Variants in MBNL2 observed in about 807,000 individuals in gnomAD.
The protein encoded by MBNL2 is muscleblind like splicing regulator 2.
MBNL2 carries 17 observed loss-of-function variants against 41.9 expected under a neutral mutation model. The ratio of observed to expected loss-of-function variants is 0.41; its 90% CI spans 0.28 to 0.61. MBNL2 has a LOEUF of 0.61. MBNL2 is among the 20% of genes least tolerant of loss of function. The probability of loss-of-function intolerance (pLI) is 0.35; values close to 1 mark genes in which losing one functional copy is unlikely to be tolerated. For missense variants in MBNL2, 336 were observed against 505.6 expected (o/e 0.66, Z 3.22); for synonymous variants, 195 against 182.9 (o/e 1.07, Z -0.53).
chr13:97,276,155 C>T lies in MBNL2; in HGVS notation c.-81C>T. 5 of 1,117,140 alleles carry T rather than the reference C, an allele frequency of 4.5e-6. No individual in the cohort carries two copies. The highest frequency in any genetic ancestry group is 1.9e-5 in the Admixed American group (1 of 52,710). The allele number at this position is 1,117,140 out of a possible 1,614,324, so 69.2% of individuals were successfully genotyped here. A position where few individuals can be genotyped will look rare whatever the true frequency, so the allele number is the denominator to read the frequency against. ...TCAGACTTACATGTGGGAGTTTTCA[C>T]AACAGTAGTTTTGGAATCATTAGAA... On this transcript the variant is annotated 5_prime_UTR_variant, in exon 2 of 9. An upstream open reading frame in the 5' UTR gains an earlier in-frame stop. Coordinates refer to ENST00000679496, the MANE Select transcript of MBNL2 (RefSeq NM_001382683.1).
At chr13:97,190,229 T>G in the MBNL2 span, among the ~76,000 whole-genome samples, 2 of 152,228 alleles carry the variant, frequency 1.3e-5, no homozygotes, top group African/African-American at 4.8e-5. Flanking sequence ...TGAGTACATT[T>G]TCCAGCTCCC....
the MBNL2 span, among the ~76,000 whole-genome samples, chr13:97,192,760 T>C: frequency 6.6e-6 from 1 of 152,202 alleles, no homozygotes; most frequent in African/African-American, 2.4e-5. Flanking sequence ...AAAAACATAG[T>C]ATTAGCTTTC....
intron 1 of MBNL2, among the ~76,000 whole-genome samples, chr13:97,246,780 C>T (rs978075316): frequency 5.3e-5 from 8 of 152,270 alleles, no homozygotes; most frequent in South Asian, 2.1e-4. Flanking sequence ...CTCCTCCAGA[C>T]GGGCTTTTTC....
chr13:97,227,040 CA>C (rs5806006), intron 1 of MBNL2, among the ~76,000 whole-genome samples: 82,199 of 122,754 alleles, frequency 0.67, 24,844 homozygotes, highest in African/African-American at 0.71. Flanking sequence ...AGCAGAGTTA[CA>C]AAAAAAAAAA....
At chr13:97,281,422 T>C (rs2053404038) in intron 2 of MBNL2, among the ~76,000 whole-genome samples, 1 of 152,226 alleles carries the variant, frequency 6.6e-6, no homozygotes, top group African/African-American at 2.4e-5. Flanking sequence ...GTAAATAATT[T>C]GATTTCCTCT....
chr13:97,356,346 C>T (rs969767904), intron 5 of MBNL2, among the ~76,000 whole-genome samples: 3 of 152,094 alleles, frequency 2.0e-5, no homozygotes, highest in Non-Finnish European at 2.9e-5. Context: ...TATCCTTACT[C>T]GATGGACTCA....
chr13:97,165,415 C>T, the MBNL2 span, among the ~76,000 whole-genome samples: 2 of 152,038 alleles, frequency 1.3e-5, no homozygotes, highest in Admixed American at 1.3e-4. Flanking sequence ...CCAAGATGAG[C>T]TACTTTTTCT....
chr13:97,310,615 G>A (rs1195696299), intron 2 of MBNL2, among the ~76,000 whole-genome samples: 6 of 151,760 alleles, frequency 4.0e-5, no homozygotes, highest in Non-Finnish European at 7.4e-5. Context: ...ATTTTTAGTA[G>A]AGACAGGGTT....
At chr13:97,247,486 C>T (rs2045697095) in intron 1 of MBNL2, among the ~76,000 whole-genome samples, 1 of 152,226 alleles carries the variant, frequency 6.6e-6, no homozygotes, top group Admixed American at 6.5e-5. Context: ...TGAACCCCGA[C>T]ATAGGTCTTC....
chr13:97,376,279 CTG>C (rs1161217448), intron 8 of MBNL2, among the ~76,000 whole-genome samples: 1 of 152,204 alleles, frequency 6.6e-6, no homozygotes, highest in Non-Finnish European at 1.5e-5. Context: ...TCTGTGGTGT[CTG>C]TGGATTTCAC....
At chr13:97,233,881 G>T (rs2042824211) in intron 1 of MBNL2, among the ~76,000 whole-genome samples, 1 of 152,084 alleles carries the variant, frequency 6.6e-6, no homozygotes. Context: ...GCTGTGGGAA[G>T]ACACATTAGA....
chr13:97,217,195 C>G (rs1000215713), upstream of MBNL2, among the ~76,000 whole-genome samples: 2 of 151,204 alleles, frequency 1.3e-5, no homozygotes, highest in Non-Finnish European at 2.9e-5. Context: ...GCTTCTCTAC[C>G]AATTTTTTTA....
rs115852839 is a variant in MBNL2 at position 97,293,072 on chromosome 13, T to A, written c.174+16663T>A. Among the ~76,000 whole-genome samples, 1,517 of 152,222 alleles carry A rather than the reference T, an allele frequency of 1.0e-2. 24 individuals are homozygous for A. Among genetic ancestry groups the A allele is most frequent in the African/African-American group, 0.035 (1,437 of 41,552 alleles). On this transcript the variant is annotated intron_variant, in intron 2 of 8. Transcript: ENST00000679496. ...CATTATTATTATTTTTACTTCTGTG[T>A]TTATTATTTCCTTTCTCCAGCTTTC... is the stretch of plus-strand genomic sequence containing the variant.
intron 4 of MBNL2, among the ~76,000 whole-genome samples, chr13:97,345,862 T>C (rs2061797195): frequency 6.6e-6 from 1 of 150,446 alleles, no homozygotes; most frequent in African/African-American, 2.5e-5. Context: ...GGTGAAATTA[T>C]CCCTCCACAC....
Position 97,242,766 on chromosome 13 carries a change from CTT to C in MBNL2, c.-605+20247_-605+20248del, listed in dbSNP as rs75897334. Among the ~76,000 whole-genome samples, 1,166 of 144,708 alleles carry C rather than the reference CTT, an allele frequency of 8.1e-3. 14 individuals carry two copies. Among genetic ancestry groups the C allele is most frequent in the African/African-American group, 0.028 (1,111 of 39,812 alleles). 94.9% of individuals were successfully genotyped at this position (144,708 alleles called of 152,430 possible). On this transcript the variant is annotated intron_variant, in intron 1 of 8. Coordinates refer to ENST00000679496, the MANE Select transcript of MBNL2 (RefSeq NM_001382683.1). ...TGGAATAAGCAGGACTTACTTGTTC[CTT>C]TTTTTTTTTTTCCCCCCTCCTGTAC...
intron 8 of MBNL2, among the ~76,000 whole-genome samples, chr13:97,385,147 A>T (rs1024409884): frequency 6.6e-6 from 1 of 152,052 alleles, no homozygotes; most frequent in Non-Finnish European, 1.5e-5. Context: ...ACTTCAATTT[A>T]TTTAGCCATC....
chr13:97,287,067 TCA>T (rs1295514257), intron 2 of MBNL2, among the ~76,000 whole-genome samples: 2 of 152,224 alleles, frequency 1.3e-5, no homozygotes, highest in Non-Finnish European at 2.9e-5. Flanking sequence ...TGACTATTAC[TCA>T]GTTTTTCCCA....
intron 8 of MBNL2, among the ~76,000 whole-genome samples, chr13:97,391,076 G>A (rs1309947584): frequency 6.6e-6 from 1 of 152,126 alleles, no homozygotes; most frequent in Non-Finnish European, 1.5e-5. Flanking sequence ...TGCTGCCACA[G>A]TTTTCCAGAA....
intron 2 of MBNL2, among the ~76,000 whole-genome samples, chr13:97,308,379 T>C (rs2058307515): frequency 6.6e-6 from 1 of 152,194 alleles, no homozygotes; most frequent in Admixed American, 6.5e-5. Context: ...TTTCAAACAT[T>C]TGGCTGGATA....
Sources: gnomAD v4.1 joint callset for allele counts (sites outside exome capture counted in the v4.1 genomes callset) on GRCh38, gnomAD v4.1.1 for gene constraint, MANE v1.5 for transcripts, NCBI Gene and HGNC (gene_info 2026-07-23, HGNC 2026-07-21) for gene names.